The following LONP2 variants were observed in gnomAD, a reference collection of about 807,000 sequenced individuals.
LONP2 encodes lon protease homolog 2, peroxisomal.
LONP2 carries 60 observed loss-of-function variants against 85.6 expected under a neutral mutation model. That is an observed-to-expected ratio of 0.70 (90% CI 0.57 to 0.87). The LOEUF (loss-of-function observed/expected upper bound fraction) is 0.87. LONP2 is among the 40% of genes least tolerant of loss of function. The pLI is 0.00. For missense variants in LONP2, 860 were observed against 1,063.5 expected (o/e 0.81, Z 2.66); for synonymous variants, 395 against 389.7 (o/e 1.01, Z -0.16).
intron 11 of LONP2, among the ~76,000 whole-genome samples, chr16:48,307,241 T>C (rs1362323076): frequency 6.6e-6 from 1 of 152,234 alleles, no homozygotes; most frequent in Non-Finnish European, 1.5e-5. Context: ...ATTGTTTCTT[T>C]AAAAGAATGC....
chr16:48,250,718 T>C (rs1223271096), intron 1 of LONP2, among the ~76,000 whole-genome samples: 1 of 152,210 alleles, frequency 6.6e-6, no homozygotes, highest in Non-Finnish European at 1.5e-5. Flanking sequence ...CAAACAGTGA[T>C]GAATATCATC....
At chr16:48,344,001 C>G (rs1435185972) in intron 12 of LONP2, 1 of 152,170 alleles carries the variant, frequency 6.6e-6, no homozygotes, top group Non-Finnish European at 1.5e-5. Context: ...GATGACTTCA[C>G]AAACCATTTA....
At chr16:48,268,775 A>G (rs923199112) in intron 6 of LONP2, among the ~76,000 whole-genome samples, 2 of 152,170 alleles carry the variant, frequency 1.3e-5, no homozygotes, top group African/African-American at 2.4e-5. Context: ...ACTAAAATCA[A>G]TAGTACTATA....
intron 6 of LONP2, among the ~76,000 whole-genome samples, chr16:48,269,222 C>T (rs1972053355): frequency 6.7e-6 from 1 of 149,884 alleles, no homozygotes; most frequent in African/African-American, 2.5e-5. Context: ...TTTTTTGACC[C>T]AGCACTTCTG....
intron 8 of LONP2, among the ~76,000 whole-genome samples, chr16:48,281,253 G>T (rs2150984772): frequency 6.6e-6 from 1 of 152,212 alleles, no homozygotes. Context: ...TTTTATTTAT[G>T]TAGGATATGC....
intron 3 of LONP2, among the ~76,000 whole-genome samples, chr16:48,257,852 C>G (rs4785513): frequency 6.6e-6 from 1 of 152,290 alleles, no homozygotes; most frequent in Admixed American, 6.5e-5. Context: ...TGTTTTACTG[C>G]GGGAACAGAG....
downstream of LONP2, among the ~76,000 whole-genome samples, chr16:48,358,088 A>C (rs1378467140): frequency 6.6e-6 from 1 of 152,242 alleles, no homozygotes; most frequent in Non-Finnish European, 1.5e-5. Context: ...CAAATGTGTA[A>C]TGGACCAAGA....
intron 8 of LONP2, among the ~76,000 whole-genome samples, chr16:48,294,724 A>ACTCT (rs1972631987): frequency 6.6e-6 from 1 of 152,090 alleles, no homozygotes; most frequent in Non-Finnish European, 1.5e-5. Flanking sequence ...ACAAAATGAG[A>ACTCT]CTCTGTCTCA....
chr16:48,341,098 C>T (rs993766467), intron 12 of LONP2, among the ~76,000 whole-genome samples: 40 of 152,160 alleles, frequency 2.6e-4, no homozygotes, highest in African/African-American at 7.7e-4. Context: ...GTCAGGATTT[C>T]GAGACCAGCC....
rs903749900 is a variant in LONP2, at chr16:48,355,827, A to G, written c.*4025A>G. 2 of 152,172 alleles carry G rather than the reference A, an allele frequency of 1.3e-5. No homozygotes were observed. Among genetic ancestry groups the G allele is most frequent in the African/African-American group, 4.8e-5 (2 of 41,430 alleles). 9.4% of individuals were successfully genotyped at this position (152,172 alleles called of 1,614,324 possible). ...CAAAATAAGCTGGATTTTTTTATTG[A>G]AAATTATTAACTCTAGAAATTTTAG... is the stretch of plus-strand genomic sequence containing the variant. On this transcript the variant is annotated 3_prime_UTR_variant, in exon 15 of 15. Coordinates refer to ENST00000285737, the MANE Select transcript of LONP2 (RefSeq NM_031490.5).
chr16:48,347,457 T>G (rs746613557), intron 12 of LONP2, 50 bp from the exon 13 acceptor site: 1 of 1,580,918 alleles, frequency 6.3e-7, no homozygotes, highest in Non-Finnish European at 8.7e-7. Context: ...GTGGTATCAG[T>G]CACCTTTAGC....
chr16:48,332,996 AT>A (rs1959507828), intron 11 of LONP2, among the ~76,000 whole-genome samples: 1 of 152,226 alleles, frequency 6.6e-6, no homozygotes, highest in Non-Finnish European at 1.5e-5. Context: ...TTCAGAAGGA[AT>A]AGTGTGTTAA....
intron 11 of LONP2, among the ~76,000 whole-genome samples, chr16:48,318,846 G>C (rs1180171367): frequency 1.3e-5 from 2 of 152,160 alleles, no homozygotes; most frequent in Non-Finnish European, 2.9e-5. Context: ...AGAGCTCTTT[G>C]TTGTGGCTTC....
intron 12 of LONP2, among the ~76,000 whole-genome samples, chr16:48,337,802 A>T (rs1959699025): frequency 6.6e-6 from 1 of 152,102 alleles, no homozygotes; most frequent in Non-Finnish European, 1.5e-5. Context: ...ATGTTATAAG[A>T]TACCTTTCAT....
chr16:48,352,325 A>G lies in LONP2; in HGVS notation c.*523A>G, dbSNP rs1464396711. The G allele has an allele frequency of 1.3e-5, 2 of 155,610 alleles. No individual in the cohort carries two copies. The highest frequency in any genetic ancestry group is 4.8e-5 in the African/African-American group (2 of 41,468). 9.6% of individuals were successfully genotyped at this position (155,610 alleles called of 1,614,324 possible). A position where few individuals can be genotyped will look rare whatever the true frequency, so the allele number is the denominator to read the frequency against. On this transcript the variant is annotated 3_prime_UTR_variant, in exon 15 of 15. Transcript: ENST00000285737. The stretch of plus-strand genomic sequence containing the variant: ...CTTAGAACTAGGCAAAGATGAAAGT[A>G]TAGCCAACTATTCTTGGCTATATAT...
At chr16:48,267,563 G>A (rs1181536620) in intron 6 of LONP2, among the ~76,000 whole-genome samples, 1 of 151,950 alleles carries the variant, frequency 6.6e-6, no homozygotes, top group Non-Finnish European at 1.5e-5. Context: ...TCCTCCAAAA[G>A]TGCTGGGATT....
intron 11 of LONP2, among the ~76,000 whole-genome samples, chr16:48,329,426 G>A (rs993487251): frequency 2.6e-5 from 4 of 152,096 alleles, no homozygotes; most frequent in Non-Finnish European, 2.9e-5. Flanking sequence ...AACTGTCTTG[G>A]TTTCAGGGTG....
chr16:48,330,680 G>A (rs978550247), intron 11 of LONP2, among the ~76,000 whole-genome samples: 16 of 152,138 alleles, frequency 1.1e-4, no homozygotes, highest in African/African-American at 3.6e-4. Context: ...CACAGTCCAG[G>A]GGGTGACTCA....
intron 8 of LONP2, among the ~76,000 whole-genome samples, chr16:48,277,809 T>C (rs72802168): frequency 8.6e-5 from 13 of 152,044 alleles, no homozygotes; most frequent in Admixed American, 2.6e-4. Flanking sequence ...GGGTCCCCCA[T>C]GCCTTCTTCT....
Sources: gnomAD v4.1 joint callset for allele counts (sites outside exome capture counted in the v4.1 genomes callset) on GRCh38, gnomAD v4.1.1 for gene constraint, MANE v1.5 for transcripts, NCBI Gene and HGNC (gene_info 2026-07-23, HGNC 2026-07-21) for gene names.